Variants in SOX5 observed in about 807,000 individuals in gnomAD.
The protein encoded by SOX5 is SRY-box transcription factor 5.
In SOX5, 9 loss-of-function variants were observed where a neutral mutation model predicts 92.0. The ratio of observed to expected loss-of-function variants is 0.10; its 90% CI spans 0.06 to 0.17. SOX5 has a LOEUF of 0.17. Among genes scored for constraint, SOX5 ranks in the 10% least tolerant of loss-of-function variants. SOX5 has a pLI of 1.00. For synonymous variants in SOX5, 344 were observed against 336.3 expected (o/e 1.02, Z -0.25); for missense variants, 642 against 944.5 (o/e 0.68, Z 4.20).
intron 2 of SOX5, among the ~76,000 whole-genome samples, chr12:23,861,060 A>G (rs1204705999): frequency 1.3e-5 from 2 of 151,966 alleles, no homozygotes; most frequent in African/African-American, 4.8e-5. Flanking sequence ...AAGGCTCTAG[A>G]ACAACAAAGT....
At chr12:23,861,925 A>T (rs2096761043) in intron 2 of SOX5, among the ~76,000 whole-genome samples, 1 of 152,212 alleles carries the variant, frequency 6.6e-6, no homozygotes, top group South Asian at 2.1e-4. Flanking sequence ...GACAGGGGGT[A>T]AACACAAAGA....
intron 2 of SOX5, among the ~76,000 whole-genome samples, chr12:23,865,940 G>T (rs1219384035): frequency 6.6e-6 from 1 of 152,144 alleles, no homozygotes; most frequent in East Asian, 1.9e-4. Context: ...GGTAAAAATG[G>T]CAAGAAAACT....
At chr12:24,285,710 TA>T (rs1436610259) in intron 2 of SOX5, among the ~76,000 whole-genome samples, 1 of 152,170 alleles carries the variant, frequency 6.6e-6, no homozygotes, top group Non-Finnish European at 1.5e-5. Context: ...TGTTTATTTA[TA>T]ACAAAACATG....
chr12:23,983,912 A>T (rs1949827889), intron 4 of SOX5, among the ~76,000 whole-genome samples: 1 of 152,188 alleles, frequency 6.6e-6, no homozygotes, highest in African/African-American at 2.4e-5. Context: ...CAAAATTAAA[A>T]CAACAAAATA....
chr12:23,762,062 T>C (rs1172829787), intron 3 of SOX5, among the ~76,000 whole-genome samples: 1 of 151,492 alleles, frequency 6.6e-6, no homozygotes. Context: ...ATGTTGACAA[T>C]AGCTGCATAT....
chr12:24,346,933 C>T (rs923180816), intron 2 of SOX5, among the ~76,000 whole-genome samples: 5 of 151,988 alleles, frequency 3.3e-5, no homozygotes, highest in African/African-American at 4.8e-5. Context: ...ATGTAAATGA[C>T]GAGTTAATGG....
intron 4 of SOX5, among the ~76,000 whole-genome samples, chr12:23,993,584 C>A (rs1056581623): frequency 5.3e-5 from 8 of 152,098 alleles, no homozygotes; most frequent in African/African-American, 1.9e-4. Context: ...CCTTACCATC[C>A]CCAACATACT....
At chr12:24,522,595 C>T (rs1360753209) in intron 1 of SOX5, among the ~76,000 whole-genome samples, 1 of 152,036 alleles carries the variant, frequency 6.6e-6, no homozygotes, top group African/African-American at 2.4e-5. Context: ...TGGCATTTAT[C>T]CCGGGGATGT....
At chr12:23,602,150 T>A (rs1381560418) in intron 9 of SOX5, among the ~76,000 whole-genome samples, 1 of 152,092 alleles carries the variant, frequency 6.6e-6, no homozygotes, top group Non-Finnish European at 1.5e-5. Flanking sequence ...TAATGTATAA[T>A]CATGGCTATA....
intron 4 of SOX5, among the ~76,000 whole-genome samples, chr12:24,034,628 T>C (rs1426893112): frequency 6.6e-6 from 1 of 151,470 alleles, no homozygotes; most frequent in African/African-American, 2.4e-5. Context: ...TCCAAATCAG[T>C]ATTTTATCCA....
At chr12:23,802,716 C>A (rs2095685405) in intron 3 of SOX5, among the ~76,000 whole-genome samples, 2 of 152,086 alleles carry the variant, frequency 1.3e-5, no homozygotes, top group Non-Finnish European at 2.9e-5. Context: ...CAATACATTT[C>A]AATACAATCC....
chr12:24,427,856 A>G (rs1966861216), intron 1 of SOX5, among the ~76,000 whole-genome samples: 1 of 152,218 alleles, frequency 6.6e-6, no homozygotes, highest in Non-Finnish European at 1.5e-5. Context: ...CAAGGAAGCT[A>G]GAAAACATCA....
At chr12:23,884,432 A>C (rs1258628736) in intron 2 of SOX5, among the ~76,000 whole-genome samples, 2 of 152,146 alleles carry the variant, frequency 1.3e-5, no homozygotes, top group Admixed American at 1.3e-4. Flanking sequence ...AGAATCTCAT[A>C]TATTGCCCAA....
At chr12:23,876,651 C>G (rs914210658) in intron 2 of SOX5, among the ~76,000 whole-genome samples, 1 of 152,150 alleles carries the variant, frequency 6.6e-6, no homozygotes, top group Non-Finnish European at 1.5e-5. Context: ...TGGGTATATA[C>G]CCAAAGGATT....
chr12:24,491,591 T>C (rs1464708975), intron 1 of SOX5, among the ~76,000 whole-genome samples: 1 of 152,072 alleles, frequency 6.6e-6, no homozygotes, highest in African/African-American at 2.4e-5. Flanking sequence ...CAGAGGTAAC[T>C]AAAGCATATT....
intron 6 of SOX5, among the ~76,000 whole-genome samples, chr12:23,702,465 T>C (rs537924796): frequency 3.8e-4 from 58 of 152,184 alleles, no homozygotes; most frequent in Admixed American, 1.4e-3. Flanking sequence ...ATGAAGCTAT[T>C]TGTTCATTAA....
intron 2 of SOX5, among the ~76,000 whole-genome samples, chr12:24,313,658 T>C (rs974881613): frequency 7.9e-5 from 12 of 152,250 alleles, no homozygotes; most frequent in African/African-American, 2.7e-4. Flanking sequence ...TTTGTGCGTA[T>C]TTCCACTGTA....
chr12:24,355,282 C>CTTTTTTTTTTTTTTTTTTT (rs768157437), intron 2 of SOX5, among the ~76,000 whole-genome samples: 4 of 71,920 alleles, frequency 5.6e-5, no homozygotes, highest in Non-Finnish European at 9.2e-5. Context: ...AGGGGTGCAT[C>CTTTTTTTTTTTTTTTTTTT]TTTTTTTTTT....
intron 2 of SOX5, among the ~76,000 whole-genome samples, chr12:23,849,595 T>A (rs2096609230): frequency 6.6e-6 from 1 of 152,152 alleles, no homozygotes; most frequent in South Asian, 2.1e-4. Context: ...TATCTACCAA[T>A]GTTAAGGGTG....
Sources: gnomAD v4.1 joint callset for allele counts (sites outside exome capture counted in the v4.1 genomes callset) on GRCh38, gnomAD v4.1.1 for gene constraint, MANE v1.5 for transcripts, NCBI Gene and HGNC (gene_info 2026-07-23, HGNC 2026-07-21) for gene names.